STXBP3: variants seen among roughly 807,000 people sequenced by gnomAD.
The protein encoded by STXBP3 is syntaxin binding protein 3, also known as syntaxin-binding protein 3.
STXBP3 carries 41 observed loss-of-function variants against 85.7 expected under a neutral mutation model. The ratio of observed to expected loss-of-function variants is 0.48; its 90% CI spans 0.37 to 0.62. The LOEUF is 0.62. Ranked by LOEUF, STXBP3 falls within the 20% of genes least tolerant of loss-of-function variation. STXBP3 has a pLI of 0.00. For synonymous variants in STXBP3, 229 were observed against 231.7 expected (o/e 0.99, Z 0.10); for missense variants, 563 against 703.1 (o/e 0.80, Z 2.25).
chr1:108,799,203 A>T (rs1690725), intron 16 of STXBP3, among the ~76,000 whole-genome samples: 43,756 of 152,048 alleles, frequency 0.29, 7,265 homozygotes, highest in East Asian at 0.77. Flanking sequence ...TTGCTTGGCT[A>T]ATTTTATGTT....
chr1:108,767,471 T>TTTTGA (rs1462927939), intron 6 of STXBP3: 2 of 188,026 alleles, frequency 1.1e-5, no homozygotes, highest in Non-Finnish European at 2.2e-5. Flanking sequence ...TATACTGGTA[T>TTTTGA]TTTGATTGTA....
At chr1:108,758,356 A>T (rs1263597996) in intron 4 of STXBP3, among the ~76,000 whole-genome samples, 154 bp from the exon 5 acceptor site, 1 of 151,546 alleles carries the variant, frequency 6.6e-6, no homozygotes, top group African/African-American at 2.4e-5. Flanking sequence ...TGGCTGGAGA[A>T]CATAGCATCT....
chr1:108,789,298 T>C (rs1662926288), intron 11 of STXBP3, among the ~76,000 whole-genome samples: 2 of 152,178 alleles, frequency 1.3e-5, no homozygotes, highest in Non-Finnish European at 2.9e-5. Flanking sequence ...TTTGTAAACT[T>C]TCTTAAAACA....
chr1:108,758,858 G>A (rs1233040065), intron 5 of STXBP3, among the ~76,000 whole-genome samples: 1 of 152,146 alleles, frequency 6.6e-6, no homozygotes, highest in African/African-American at 2.4e-5. Flanking sequence ...CATTTTGCTG[G>A]GATGCTGGGA....
At chr1:108,749,562 T>G (rs1253203101) in intron 1 of STXBP3, among the ~76,000 whole-genome samples, 1 of 152,180 alleles carries the variant, frequency 6.6e-6, no homozygotes, top group Non-Finnish European at 1.5e-5. Flanking sequence ...GGATATAAGG[T>G]CAAATGATTT....
intron 11 of STXBP3, among the ~76,000 whole-genome samples, chr1:108,792,702 A>T (rs1036445498): frequency 1.3e-5 from 2 of 152,152 alleles, no homozygotes; most frequent in African/African-American, 4.8e-5. Context: ...GACATGGTGG[A>T]TGATACATTG....
intron 11 of STXBP3, among the ~76,000 whole-genome samples, chr1:108,786,419 G>T (rs1391135394): frequency 1.3e-5 from 2 of 152,210 alleles, no homozygotes; most frequent in Non-Finnish European, 2.9e-5. Flanking sequence ...GATTTGGGTG[G>T]AGACACAGAG....
At chr1:108,788,111 T>C (rs761014686) in intron 11 of STXBP3, among the ~76,000 whole-genome samples, 3 of 152,202 alleles carry the variant, frequency 2.0e-5, no homozygotes, top group Non-Finnish European at 4.4e-5. Flanking sequence ...TTTCTTTTAA[T>C]CAGGAAATTT....
At chr1:108,780,843 A>C (rs1439057369) in intron 9 of STXBP3, 1 of 146,250 alleles carries the variant, frequency 6.8e-6, no homozygotes, top group Non-Finnish European at 1.5e-5. Flanking sequence ...ATCTCTGCTC[A>C]TTGCAGCCTT....
In STXBP3 at chr1:108,749,967, C is replaced by T. The variant is rs190941961; in HGVS notation, c.50-2290C>T. On this transcript the variant is annotated intron_variant, in intron 1 of 18. Coordinates refer to ENST00000370008, the MANE Select transcript of STXBP3 (RefSeq NM_007269.4). ...TTTTTGTGCTAAGGTTTTTTGAAGT[C>T]TCATATGTATTCTGTACTTACAGGA... 2.5e-3 allele frequency among the ~76,000 whole-genome samples: 376 copies of T among 152,118 alleles called. 3 individuals are homozygous for T. The highest frequency in any genetic ancestry group is 8.5e-3 in the African/African-American group (351 of 41,490).
intron 17 of STXBP3, among the ~76,000 whole-genome samples, chr1:108,803,025 A>C (rs1339162396): frequency 6.6e-6 from 1 of 152,222 alleles, no homozygotes; most frequent in East Asian, 1.9e-4. Flanking sequence ...GCATTATTAC[A>C]AACAGTATGC....
At chr1:108,793,674 T>A (rs1267047723) in intron 12 of STXBP3, 27 bp downstream of exon 12, 2 of 1,572,646 alleles carry the variant, frequency 1.3e-6, no homozygotes, top group Non-Finnish European at 1.7e-6. Flanking sequence ...ATGAGATACC[T>A]GATTAGTTTT....
intron 11 of STXBP3, among the ~76,000 whole-genome samples, chr1:108,791,323 G>T (rs545473531): frequency 2.2e-4 from 34 of 152,210 alleles, no homozygotes; most frequent in African/African-American, 8.2e-4. Context: ...TTACTGTAAT[G>T]TGGTTTGCTT....
rs574912037 is a variant in STXBP3 at position 108,757,057 on chromosome 1, C to G, written c.258+291C>G. ...TTCATGCAGTTCCTATTGAACTATA[C>G]CTTTTGGGGGGATGGTAATGTAGGT... On this transcript the variant is annotated intron_variant, in intron 4 of 18. Coordinates refer to ENST00000370008, the MANE Select transcript of STXBP3 (RefSeq NM_007269.4). The G allele has an allele frequency of 1.5e-5, 3 of 201,858 alleles. No homozygotes were observed. In the South Asian group the frequency reaches 3.9e-4, roughly 26 times the overall value. The allele number at this position is 201,858 out of a possible 1,614,324, so 12.5% of individuals were successfully genotyped here. A position where few individuals can be genotyped will look rare whatever the true frequency, so the allele number is the denominator to read the frequency against.
Position 108,776,402 on chromosome 1 carries a change from T to A in STXBP3, c.663T>A (p.Ile221=). ...VEKKLEDYYK[I]DEKSLIKGKT... is the part of the protein sequence containing the mutation. ...AAAAGCTTGAAGACTACTACAAGAT[T>A]GATGAAAAGAGCCTAATAAAGGTAA... The change falls in exon 8 of 19, where the codon ATT becomes ATA. Residue 221 remains isoleucine, a synonymous_variant. Coordinates refer to ENST00000370008, the MANE Select transcript of STXBP3 (RefSeq NM_007269.4). The A allele has an allele frequency of 6.2e-7, 1 of 1,607,736 alleles. No individual in the cohort carries two copies. The highest frequency in any genetic ancestry group is 8.5e-7 in the Non-Finnish European group (1 of 1,176,736).
At chr1:108,760,683 C>T (rs1401847158) in intron 6 of STXBP3, among the ~76,000 whole-genome samples, 2 of 152,072 alleles carry the variant, frequency 1.3e-5, no homozygotes, top group Non-Finnish European at 2.9e-5. Flanking sequence ...TTTTGAAGAT[C>T]AAGAAATCAA....
chr1:108,804,024 ATTCTCTG>A (rs1420906779), intron 17 of STXBP3, among the ~76,000 whole-genome samples: 2 of 152,098 alleles, frequency 1.3e-5, no homozygotes, highest in African/African-American at 4.8e-5. Flanking sequence ...GGTTCTGTAT[ATTCTCTG>A]TGCTATGTGT....
intron 11 of STXBP3, among the ~76,000 whole-genome samples, chr1:108,788,071 C>A (rs1284732988): frequency 6.6e-6 from 1 of 152,168 alleles, no homozygotes; most frequent in Non-Finnish European, 1.5e-5. Flanking sequence ...AGATTACAGG[C>A]GTGAGCCACC....
At chr1:108,756,275 T>C (rs1662015704) in intron 3 of STXBP3, among the ~76,000 whole-genome samples, 1 of 152,146 alleles carries the variant, frequency 6.6e-6, no homozygotes. Context: ...GGTAAAAACT[T>C]GGGCTCTGGA....
Sources: gnomAD v4.1 joint callset for allele counts (sites outside exome capture counted in the v4.1 genomes callset) on GRCh38, gnomAD v4.1.1 for gene constraint, MANE v1.5 for transcripts, NCBI Gene and HGNC (gene_info 2026-07-23, HGNC 2026-07-21) for gene names.